The following MRPL14 variants were observed in gnomAD, a reference collection of about 807,000 sequenced individuals.
MRPL14 encodes large ribosomal subunit protein uL14m.
A neutral mutation model predicts 10.9 loss-of-function variants in MRPL14; 8 were observed. The ratio of observed to expected loss-of-function variants is 0.74; its 90% CI spans 0.43 to 1.33. MRPL14 has a LOEUF of 1.33. Among genes scored for constraint, MRPL14 ranks in the 40% most tolerant of loss-of-function variants. The pLI is 0.01. For synonymous variants in MRPL14, 82 were observed against 74.1 expected, an observed-to-expected ratio of 1.11 and a Z score of -0.54; for missense variants, 179 against 194.5, an observed-to-expected ratio of 0.92 and a Z score of 0.47.
At chr6:44,118,588 T>C (rs1472367188) in intron 1 of MRPL14, among the ~76,000 whole-genome samples, 1 of 152,218 alleles carries the variant, frequency 6.6e-6, no homozygotes, top group African/African-American at 2.4e-5. Context: ...ATTTGGCCTC[T>C]TTCTGTTTCT....
intron 1 of MRPL14, 107 bp from the exon 2 acceptor site, chr6:44,116,736 T>G: frequency 1.4e-6 from 1 of 721,576 alleles, no homozygotes; most frequent in Non-Finnish European, 2.5e-6. Flanking sequence ...CACAAGATCA[T>G]TAGTCACAAA....
chr6:44,126,743 T>C (rs1012306331), intron 1 of MRPL14, among the ~76,000 whole-genome samples: 4 of 152,210 alleles, frequency 2.6e-5, no homozygotes, highest in African/African-American at 9.6e-5. Context: ...CTTTATGATC[T>C]ATTTGTGTGG....
chr6:44,126,410 A>C (rs1201819671), intron 1 of MRPL14, among the ~76,000 whole-genome samples: 2 of 152,224 alleles, frequency 1.3e-5, no homozygotes, highest in Admixed American at 6.5e-5. Context: ...CAAGCTACTA[A>C]TGAACTCTTG....
intron 1 of MRPL14, 25 bp from the exon 2 acceptor site, chr6:44,116,654 A>T (rs767366143): frequency 1.4e-5 from 22 of 1,587,132 alleles, no homozygotes; most frequent in Non-Finnish European, 1.9e-5. Context: ...AGAGGGGGAA[A>T]AATTGGTTTC....
intron 1 of MRPL14, among the ~76,000 whole-genome samples, chr6:44,117,851 T>G (rs866262568): frequency 0.012 from 1,625 of 138,636 alleles, 44 homozygotes; most frequent in African/African-American, 0.041. Context: ...TTTTTTTTTT[T>G]TTTTTTTTTT....
At chr6:44,115,873 C>T (rs1775795855) in intron 2 of MRPL14, among the ~76,000 whole-genome samples, 1 of 152,232 alleles carries the variant, frequency 6.6e-6, no homozygotes. Flanking sequence ...CTAGCAGCTC[C>T]TATATGACGC....
intron 1 of MRPL14, among the ~76,000 whole-genome samples, chr6:44,118,536 A>G (rs558178440): frequency 7.9e-5 from 12 of 152,326 alleles, no homozygotes; most frequent in African/African-American, 2.6e-4. Flanking sequence ...ACCAAAGCTC[A>G]TTTCACAGGA....
chr6:44,115,149 G>C (rs9472217), intron 2 of MRPL14, among the ~76,000 whole-genome samples: 80 of 151,852 alleles, frequency 5.3e-4, no homozygotes, highest in African/African-American at 1.8e-3. Context: ...AGCACCTGAT[G>C]CTGGTGTTTC....
chr6:44,116,644 A>G lies in MRPL14; in HGVS notation c.-18-15T>C, dbSNP rs1247058684. On this transcript the variant is annotated splice_polypyrimidine_tract_variant and intron_variant, in intron 1 of 2. Transcript: ENST00000372014. ...CAAGATAGATCCTGCAGGAAAAACG[A>G]GAGGGGGAAAAATTGGTTTCTAAGT... is the stretch of plus-strand genomic sequence containing the variant. The G allele has an allele frequency of 1.2e-6, 2 of 1,602,654 alleles. No homozygotes were observed. The highest frequency in any genetic ancestry group is 1.7e-5 in the Admixed American group (1 of 59,790).
At chr6:44,117,542 A>G (rs1187642816) in intron 1 of MRPL14, among the ~76,000 whole-genome samples, 2 of 152,218 alleles carry the variant, frequency 1.3e-5, no homozygotes, top group Non-Finnish European at 2.9e-5. Flanking sequence ...TCTACACTGT[A>G]GTATTTACAC....
chr6:44,120,961 C>T (rs1361026908), intron 1 of MRPL14, among the ~76,000 whole-genome samples: 1 of 152,180 alleles, frequency 6.6e-6, no homozygotes, highest in Non-Finnish European at 1.5e-5. Flanking sequence ...GGTGCCTACA[C>T]TGCCTACTAT....
At chr6:44,120,948 C>A (rs1244826960) in intron 1 of MRPL14, among the ~76,000 whole-genome samples, 2 of 152,166 alleles carry the variant, frequency 1.3e-5, no homozygotes, top group African/African-American at 2.4e-5. Flanking sequence ...ACCTCCTGGG[C>A]CTGGTGCCTA....
Position 44,114,221 on chromosome 6 carries a change from A to C in MRPL14, c.72-12T>G, listed in dbSNP as rs1360379477. The C allele has an allele frequency of 2.8e-6, 4 of 1,453,756 alleles. No homozygotes were observed. The highest frequency in any genetic ancestry group is 2.0e-5 in the Admixed American group (1 of 49,296). 90.1% of individuals were successfully genotyped at this position (1,453,756 alleles called of 1,614,324 possible). On this transcript the variant is annotated splice_polypyrimidine_tract_variant and intron_variant, in intron 2 of 2. Coordinates refer to ENST00000372014, the MANE Select transcript of MRPL14 (RefSeq NM_032111.4). The stretch of plus-strand genomic sequence containing the variant: ...GACTCCCAGTGGTGCTGGTGGGAGG[A>C]AAAAAAAAAGTCTGCAGTCTGTATC...
intron 2 of MRPL14, 82 bp from the exon 3 acceptor site, chr6:44,114,291 G>C: frequency 6.8e-7 from 1 of 1,478,358 alleles, no homozygotes; most frequent in South Asian, 1.3e-5. Context: ...CAAGGCTAGG[G>C]AGAATGTACA....
intron 1 of MRPL14, among the ~76,000 whole-genome samples, chr6:44,117,716 T>C (rs979950604): frequency 1.4e-4 from 22 of 152,078 alleles, no homozygotes; most frequent in African/African-American, 5.3e-4. Flanking sequence ...CATGCTGGAA[T>C]GTAGTGGTGC....
chr6:44,123,850 G>A (rs1344675906), intron 1 of MRPL14, among the ~76,000 whole-genome samples: 2 of 152,034 alleles, frequency 1.3e-5, no homozygotes, highest in East Asian at 3.9e-4. Flanking sequence ...CAGCCTGGGT[G>A]ACAGAGCGAG....
At chr6:44,116,129 T>A (rs1478539181) in intron 2 of MRPL14, among the ~76,000 whole-genome samples, 1 of 152,238 alleles carries the variant, frequency 6.6e-6, no homozygotes. Flanking sequence ...TGGCTTAGCA[T>A]CTACAAGGAG....
At position 44,122,079 on chromosome 6, in the gene MRPL14, T is replaced by TC. The variant is rs564993984; in HGVS notation, c.-19+5264dup. Among the ~76,000 whole-genome samples, 200 of 147,346 alleles carry TC rather than the reference T, an allele frequency of 1.4e-3. 5 individuals are homozygous for TC. In the South Asian group the frequency reaches 0.032, roughly 24 times the overall value. On this transcript the variant is annotated intron_variant, in intron 1 of 2. Coordinates refer to ENST00000372014, the MANE Select transcript of MRPL14 (RefSeq NM_032111.4). ...GAGCCTCATAGGCACAGAGAGCTCT[T>TC]CCCCCCCCTCTTTTTTTTTTGGAGA...
intron 1 of MRPL14, among the ~76,000 whole-genome samples, chr6:44,124,800 C>T (rs6918252): frequency 0.61 from 92,736 of 151,948 alleles, 29,645 homozygotes; most frequent in East Asian, 0.82. Context: ...TGTAAAATCA[C>T]ACCAGGGTAA....
Sources: gnomAD v4.1 joint callset for allele counts (sites outside exome capture counted in the v4.1 genomes callset) on GRCh38, gnomAD v4.1.1 for gene constraint, MANE v1.5 for transcripts, NCBI Gene and HGNC (gene_info 2026-07-23, HGNC 2026-07-21) for gene names.